Variants in ROBO1 observed in about 807,000 individuals in gnomAD.
ROBO1 encodes roundabout homolog 1.
A neutral mutation model predicts 195.9 loss-of-function variants in ROBO1; 149 were observed. That is an observed-to-expected ratio of 0.76 (90% CI 0.67 to 0.87). The LOEUF is 0.87. Ranked by LOEUF, ROBO1 falls within the 40% of genes least tolerant of loss-of-function variation. The probability of loss-of-function intolerance (pLI) is 0.00; values close to 1 mark genes in which losing one functional copy is unlikely to be tolerated. For synonymous variants in ROBO1, 816 were observed against 733.2 expected (o/e 1.11, Z -1.82); for missense variants, 1,933 against 2,068.3 (o/e 0.93, Z 1.27).
At chr3:79,172,129 C>T (rs1193683030) in intron 2 of ROBO1, among the ~76,000 whole-genome samples, 5 of 152,072 alleles carry the variant, frequency 3.3e-5, no homozygotes, top group African/African-American at 1.2e-4. Context: ...ATAGGTACCT[C>T]AATTTGCTCT....
At position 79,649,981 on chromosome 3, in the gene ROBO1, T is replaced by A. The variant is rs1043441869; in HGVS notation, c.-50-60020A>T. ...TTACAAGGTTTTATGTGAAAAAAAA[T>A]AGATAATTATTGACAAAAATTTCTA... On this transcript the variant is annotated intron_variant, in intron 1 of 30. Transcript: ENST00000464233. 1.4e-4 allele frequency among the ~76,000 whole-genome samples: 22 copies of A among 151,940 alleles called. 1 individual carries two copies. The highest frequency in any genetic ancestry group is 5.3e-4 in the African/African-American group (22 of 41,382).
chr3:79,666,339 C>A (rs948448944), intron 1 of ROBO1, among the ~76,000 whole-genome samples: 1 of 151,946 alleles, frequency 6.6e-6, no homozygotes, highest in East Asian at 1.9e-4. Flanking sequence ...TGAACTCCTT[C>A]TCTTATTTCT....
intron 2 of ROBO1, among the ~76,000 whole-genome samples, chr3:79,584,670 C>T (rs867476684): frequency 6.8e-6 from 1 of 147,672 alleles, no homozygotes; most frequent in African/African-American, 2.6e-5. Flanking sequence ...CATACACGTA[C>T]ACACATACAC....
At chr3:79,611,592 A>G (rs1944659241) in intron 1 of ROBO1, among the ~76,000 whole-genome samples, 2 of 152,172 alleles carry the variant, frequency 1.3e-5, no homozygotes, top group Admixed American at 1.3e-4. Flanking sequence ...TTGCAGGGAC[A>G]TGGATGAAGC....
At chr3:79,728,534 C>T (rs1257542724) in intron 1 of ROBO1, among the ~76,000 whole-genome samples, 2 of 152,064 alleles carry the variant, frequency 1.3e-5, no homozygotes, top group South Asian at 4.1e-4. Context: ...TGTAAACCAA[C>T]TACAACAAAC....
intron 2 of ROBO1, among the ~76,000 whole-genome samples, chr3:79,452,828 T>C (rs1389970923): frequency 6.6e-6 from 1 of 152,166 alleles, no homozygotes; most frequent in East Asian, 1.9e-4. Flanking sequence ...TATGTTTCTC[T>C]AGTCTTGGGG....
chr3:78,671,287 G>A (rs1403049422), intron 10 of ROBO1, among the ~76,000 whole-genome samples: 1 of 151,884 alleles, frequency 6.6e-6, no homozygotes, highest in Admixed American at 6.6e-5. Context: ...CAATTTATAT[G>A]AAACTCTATA....
chr3:79,050,787 A>G (rs1226020201), intron 3 of ROBO1, among the ~76,000 whole-genome samples: 1 of 152,186 alleles, frequency 6.6e-6, no homozygotes, highest in Non-Finnish European at 1.5e-5. Flanking sequence ...ATGGAAATAG[A>G]ACAACCTGCT....
At chr3:79,072,538 A>C (rs1369633426) in intron 3 of ROBO1, among the ~76,000 whole-genome samples, 3 of 151,874 alleles carry the variant, frequency 2.0e-5, no homozygotes, top group East Asian at 1.9e-4. Flanking sequence ...CACAGTGTTC[A>C]CCACTTCTTC....
At chr3:79,415,781 G>A (rs1559882919) in intron 2 of ROBO1, among the ~76,000 whole-genome samples, 1 of 152,082 alleles carries the variant, frequency 6.6e-6, no homozygotes, top group African/African-American at 2.4e-5. Context: ...GGCAATGATA[G>A]AAATAAAAGG....
chr3:79,316,105 G>A, intron 2 of ROBO1, among the ~76,000 whole-genome samples: 1 of 152,148 alleles, frequency 6.6e-6, no homozygotes, highest in East Asian at 1.9e-4. Context: ...AGTCATCTAA[G>A]TATTTCAAGT....
chr3:78,600,315 TAATGA>T lies in ROBO1; in HGVS notation c.4745-11_4745-7del, dbSNP rs1228501620. 2 of 1,556,388 alleles carry T rather than the reference TAATGA, an allele frequency of 1.3e-6. No homozygotes were observed. Among genetic ancestry groups the T allele is most frequent in the South Asian group, 2.2e-5 (2 of 89,758 alleles). On this transcript the variant is annotated splice_region_variant and splice_polypyrimidine_tract_variant and intron_variant, in intron 29 of 30. Transcript: ENST00000464233. ...ACAATAAGGTAGAATATCCTCTGTG[TAATGA>T]AATATAATAAATGCAGGTGAGTACC...
intron 2 of ROBO1, among the ~76,000 whole-genome samples, chr3:79,378,189 T>TTC (rs371100616): frequency 1.3e-5 from 2 of 149,564 alleles, no homozygotes; most frequent in Non-Finnish European, 3.0e-5. Flanking sequence ...CTATCACACA[T>TTC]TCTCTCTCTC....
intron 3 of ROBO1, among the ~76,000 whole-genome samples, chr3:79,013,716 C>T (rs1204060142): frequency 6.6e-6 from 1 of 152,124 alleles, no homozygotes; most frequent in East Asian, 1.9e-4. Context: ...GTTTCTACAA[C>T]AGTAAAATCA....
intron 2 of ROBO1, among the ~76,000 whole-genome samples, chr3:79,281,344 T>C (rs2031492305): frequency 6.6e-6 from 1 of 152,206 alleles, no homozygotes; most frequent in Admixed American, 6.5e-5. Context: ...CTTTAAGTTT[T>C]AGGGTACATG....
intron 3 of ROBO1, among the ~76,000 whole-genome samples, chr3:79,120,264 A>C (rs1308580343): frequency 2.0e-5 from 3 of 152,210 alleles, no homozygotes; most frequent in African/African-American, 7.2e-5. Flanking sequence ...CCACTGCCTG[A>C]CTAGTAGCAA....
intron 8 of ROBO1, among the ~76,000 whole-genome samples, chr3:78,695,573 C>G (rs925720531): frequency 2.2e-5 from 3 of 138,154 alleles, no homozygotes; most frequent in African/African-American, 8.3e-5. Flanking sequence ...TGCAGTGAGC[C>G]AAAATTGCAC....
chr3:78,885,511 T>G (rs112762877), intron 4 of ROBO1, among the ~76,000 whole-genome samples: 13 of 150,422 alleles, frequency 8.6e-5, no homozygotes, highest in Non-Finnish European at 1.8e-4. Context: ...AATAAGAAAT[T>G]TCCATCTATG....
At chr3:79,616,808 T>C in intron 1 of ROBO1, among the ~76,000 whole-genome samples, 1 of 152,002 alleles carries the variant, frequency 6.6e-6, no homozygotes, top group Admixed American at 6.6e-5. Context: ...GGCAGCTGCA[T>C]CCCCACCGAA....
Sources: allele counts gnomAD v4.1 joint callset (sites outside exome capture counted in the v4.1 genomes callset), GRCh38; gene constraint gnomAD v4.1.1; transcripts MANE v1.5; gene names NCBI Gene and HGNC (gene_info 2026-07-23, HGNC 2026-07-21).